Variants in SDK1 observed in about 807,000 individuals in gnomAD.
SDK1 encodes the protein protein sidekick-1.
SDK1 carries 157 observed loss-of-function variants against 245.5 expected under a neutral mutation model. That is an observed-to-expected ratio of 0.64 (90% confidence interval 0.56 to 0.73). The LOEUF is 0.73. SDK1 is among the 30% of genes least tolerant of loss of function. SDK1 has a pLI of 0.00. For synonymous variants in SDK1, 1,647 were observed against 1,278.5 expected (o/e 1.29, Z -6.15); for missense variants, 3,583 against 3,002.3 (o/e 1.19, Z -4.52).
intron 1 of SDK1, among the ~76,000 whole-genome samples, chr7:3,567,909 C>A (rs1779980140): frequency 6.6e-6 from 1 of 152,116 alleles, no homozygotes; most frequent in Non-Finnish European, 1.5e-5. Context: ...ACTCGTGGGC[C>A]CAAGTGGGCT....
In SDK1 at chr7:4,235,209, G is replaced by A. The variant is rs947327662; in HGVS notation, c.5992+1790G>A. On this transcript the variant is annotated intron_variant, in intron 41 of 44. Coordinates refer to ENST00000404826, the MANE Select transcript of SDK1 (RefSeq NM_152744.4). ...AGATGGAGTCTCACTCTGTTGCCCAGGCTGGAGTGCAGTGGCGTGATCTTA... is the reference window on the plus strand; with the variant it reads ...AGATGGAGTCTCACTCTGTTGCCCAAGCTGGAGTGCAGTGGCGTGATCTTA... Among the ~76,000 whole-genome samples the A allele has an allele frequency of 5.3e-5, 8 of 150,752 alleles. No homozygotes were observed. In the South Asian group the frequency reaches 1.7e-3, roughly 31 times the overall value.
intron 1 of SDK1, among the ~76,000 whole-genome samples, chr7:3,462,377 A>G (rs1431732921): frequency 1.3e-5 from 2 of 151,870 alleles, no homozygotes; most frequent in East Asian, 3.9e-4. Context: ...ATCATTGTCT[A>G]CCTATTATTG....
chr7:3,987,218 T>G lies in SDK1; in HGVS notation c.2027T>G (p.Val676Gly). 6.2e-7 allele frequency: 1 copy of G among 1,614,182 alleles called. No individual in the cohort carries two copies. The highest frequency in any genetic ancestry group is 8.5e-7 in the Non-Finnish European group (1 of 1,180,004). The change falls in exon 14 of 45, where the codon GTC becomes GGC. Residue 676 changes from valine to glycine, a missense_variant. By Grantham distance (109) the Val-to-Gly change is moderately radical (BLOSUM62 -3). Transcript: ENST00000404826. Reference sequence around the variant, plus strand: ...CCTCATTCACCTCAGAACCTCCTGGTCAGCCCTAATTCTTCCCACAGCCAC... The same window carrying G: ...CCTCATTCACCTCAGAACCTCCTGGGCAGCCCTAATTCTTCCCACAGCCAC... ...ELPHSPQNLL[V>G]SPNSSHSHAV...
chr7:3,903,726 G>C (rs1328686422), intron 5 of SDK1, among the ~76,000 whole-genome samples: 1 of 152,168 alleles, frequency 6.6e-6, no homozygotes, highest in Non-Finnish European at 1.5e-5. Context: ...TGGTTTGGAT[G>C]TTTGTCCCTT....
intron 1 of SDK1, among the ~76,000 whole-genome samples, chr7:3,402,997 C>G (rs1778930174): frequency 6.6e-6 from 1 of 152,050 alleles, no homozygotes; most frequent in South Asian, 2.1e-4. Context: ...TGCAGTGGTG[C>G]TATCTCGGCT....
chr7:3,752,731 G>A (rs1317065952), intron 4 of SDK1, among the ~76,000 whole-genome samples: 1 of 151,716 alleles, frequency 6.6e-6, no homozygotes, highest in Non-Finnish European at 1.5e-5. Context: ...TTTTATTATT[G>A]TGCATCATGA....
intron 5 of SDK1, among the ~76,000 whole-genome samples, chr7:3,915,494 C>G (rs1338206636): frequency 1.3e-5 from 2 of 152,104 alleles, no homozygotes; most frequent in African/African-American, 4.8e-5. Flanking sequence ...GAGGGGTTTC[C>G]CCTTTCGCTT....
chr7:3,450,958 C>G (rs142063956), intron 1 of SDK1, among the ~76,000 whole-genome samples: 11 of 152,140 alleles, frequency 7.2e-5, no homozygotes, highest in African/African-American at 2.6e-4. Flanking sequence ...ATAAAGGAAA[C>G]GATAGTCATT....
chr7:4,236,232 G>T (rs1318318047), intron 41 of SDK1, among the ~76,000 whole-genome samples: 1 of 152,140 alleles, frequency 6.6e-6, no homozygotes, highest in Non-Finnish European at 1.5e-5. Context: ...CTGTTCTGGG[G>T]GGCTTCCAGT....
chr7:3,902,410 TACTACTGC>T (rs1253529023), intron 5 of SDK1, among the ~76,000 whole-genome samples: 1 of 152,342 alleles, frequency 6.6e-6, no homozygotes, highest in East Asian at 1.9e-4. Context: ...GCTATACCGA[TACTACTGC>T]TCACTACAAA....
chr7:4,266,677 T>C lies in SDK1; in HGVS notation c.*1293T>C. The stretch of plus-strand genomic sequence containing the variant: ...TTAACAGCTCAGAGATGGCCATGCC[T>C]CCAGCCCCTCACGTCATCTTTGCAA... On this transcript the variant is annotated 3_prime_UTR_variant, in exon 45 of 45. Transcript: ENST00000404826. 1.0e-6 allele frequency: 1 copy of C among 985,468 alleles called. No individual in the cohort carries two copies. Among genetic ancestry groups the C allele is most frequent in the East Asian group, 1.1e-4 (1 of 8,816 alleles). 61.0% of individuals were successfully genotyped at this position (985,468 alleles called of 1,614,324 possible). A position where few individuals can be genotyped will look rare whatever the true frequency, so the allele number is the denominator to read the frequency against.
intron 17 of SDK1, among the ~76,000 whole-genome samples, chr7:4,037,259 T>C (rs1485202580): frequency 1.1e-4 from 16 of 152,238 alleles, no homozygotes; most frequent in Admixed American, 1.0e-3. Context: ...AAGCTTCGAC[T>C]GCACACTGGG....
chr7:3,544,346 C>T (rs1234545729), intron 1 of SDK1, among the ~76,000 whole-genome samples: 1 of 152,210 alleles, frequency 6.6e-6, no homozygotes, highest in Non-Finnish European at 1.5e-5. Flanking sequence ...TGGGAAACAG[C>T]TTGGATCAAG....
At chr7:3,606,166 A>C (rs1781418112) in intron 1 of SDK1, among the ~76,000 whole-genome samples, 2 of 152,152 alleles carry the variant, frequency 1.3e-5, no homozygotes, top group Admixed American at 6.5e-5. Flanking sequence ...ATTTCGGGAA[A>C]TGACAACTAC....
chr7:3,786,119 T>C (rs889504104), intron 4 of SDK1, among the ~76,000 whole-genome samples: 1 of 152,188 alleles, frequency 6.6e-6, no homozygotes, highest in Non-Finnish European at 1.5e-5. Flanking sequence ...TCCTTGTTTG[T>C]TCTCTTTCTT....
At chr7:3,445,146 T>C (rs885011) in intron 1 of SDK1, among the ~76,000 whole-genome samples, 62,588 of 152,000 alleles carry the variant, frequency 0.41, 14,374 homozygotes, top group Admixed American at 0.51. Flanking sequence ...ATTAAAAACC[T>C]ACTAGCTGCA....
chr7:3,477,896 C>T (rs1297172986), intron 1 of SDK1, among the ~76,000 whole-genome samples: 1 of 152,088 alleles, frequency 6.6e-6, no homozygotes. Flanking sequence ...CTGATTTGTT[C>T]GTTTCACAGG....
chr7:3,674,979 GTCT>G lies in SDK1; in HGVS notation c.713+32879_713+32881del. Among the ~76,000 whole-genome samples, 8 of 152,302 alleles carry G rather than the reference GTCT, an allele frequency of 5.3e-5. No individual in the cohort carries two copies. In the Middle Eastern group the frequency reaches 0.027, roughly 518 times the overall value. On this transcript the variant is annotated intron_variant, in intron 4 of 44. Coordinates refer to ENST00000404826, the MANE Select transcript of SDK1 (RefSeq NM_152744.4). Reference sequence around the variant, plus strand: ...AAGCATAGTGACCTGAGGAACAATAGTCTTCTTGGTGTGTGGGCCATATAAAAA... The same window carrying G: ...AAGCATAGTGACCTGAGGAACAATAGTCTTGGTGTGTGGGCCATATAAAAA...
At chr7:3,614,398 T>C (rs1396206176) in intron 1 of SDK1, among the ~76,000 whole-genome samples, 1 of 152,230 alleles carries the variant, frequency 6.6e-6, no homozygotes, top group African/African-American at 2.4e-5. Flanking sequence ...TCTATTATTA[T>C]TTGAAATACA....
Sources: gnomAD v4.1 joint callset for allele counts (sites outside exome capture counted in the v4.1 genomes callset) on GRCh38, gnomAD v4.1.1 for gene constraint, MANE v1.5 for transcripts, NCBI Gene and HGNC (gene_info 2026-07-23, HGNC 2026-07-21) for gene names.